Variants in SUGCT observed in about 807,000 individuals in gnomAD.
The protein encoded by SUGCT is succinyl-CoA:glutarate-CoA transferase.
A neutral mutation model predicts 55.0 loss-of-function variants in SUGCT; 41 were observed. That is an observed-to-expected ratio of 0.74 (90% confidence interval 0.58 to 0.97). The LOEUF (loss-of-function observed/expected upper bound fraction) is 0.97. Ranked by LOEUF, SUGCT falls within the 50% of genes least tolerant of loss-of-function variation. The pLI is 0.00. For missense variants in SUGCT, 568 were observed against 547.8 expected, an observed-to-expected ratio of 1.04 and a Z score of -0.37; for synonymous variants, 187 against 200.4, an observed-to-expected ratio of 0.93 and a Z score of 0.56.
intron 6 of SUGCT, among the ~76,000 whole-genome samples, chr7:40,214,242 A>G (rs994315899): frequency 2.6e-5 from 4 of 152,286 alleles, no homozygotes; most frequent in African/African-American, 7.2e-5. Context: ...GTCACTGAGA[A>G]TTCAACAATG....
chr7:40,309,021 T>C (rs1196606296), intron 8 of SUGCT, among the ~76,000 whole-genome samples: 1 of 151,954 alleles, frequency 6.6e-6, no homozygotes, highest in East Asian at 1.9e-4. Flanking sequence ...AAAAGGAAAA[T>C]TTCTCCTAGA....
intron 9 of SUGCT, among the ~76,000 whole-genome samples, chr7:40,437,465 C>T (rs561758885): frequency 2.6e-5 from 4 of 152,296 alleles, no homozygotes; most frequent in African/African-American, 7.2e-5. Context: ...GAGCTCTCAA[C>T]ATGGTTTGTT....
chr7:40,879,669 A>G, the SUGCT span, among the ~76,000 whole-genome samples: 5 of 152,136 alleles, frequency 3.3e-5, no homozygotes, highest in African/African-American at 1.2e-4. Context: ...TCCATATTAC[A>G]TTTACCTGTT....
intron 13 of SUGCT, among the ~76,000 whole-genome samples, chr7:40,759,863 G>A (rs922028155): frequency 6.6e-6 from 1 of 150,724 alleles, no homozygotes; most frequent in Non-Finnish European, 1.5e-5. Context: ...TTTTAACAAA[G>A]TCTGTAATTG....
the SUGCT span, among the ~76,000 whole-genome samples, chr7:40,901,880 G>A: frequency 6.6e-6 from 1 of 152,144 alleles, no homozygotes; most frequent in African/African-American, 2.4e-5. Flanking sequence ...GACATAAGAG[G>A]GATTCACTGG....
intron 13 of SUGCT, among the ~76,000 whole-genome samples, chr7:40,752,704 C>T (rs919091076): frequency 6.6e-6 from 1 of 152,116 alleles, no homozygotes; most frequent in Non-Finnish European, 1.5e-5. Flanking sequence ...ATACATGTGA[C>T]CCTTTCTGAG....
Position 40,166,960 on chromosome 7 carries a change from A to G in SUGCT, c.101-13987A>G, listed in dbSNP as rs6970173. On this transcript the variant is annotated intron_variant, in intron 1 of 13. Transcript: ENST00000335693. ...ATATGGAACTCTTATACAGTGTGGT[A>G]TAAGCATTTTAGAAATCTGTTTAGA... Among the ~76,000 whole-genome samples, 962 of 152,270 alleles carry G rather than the reference A, an allele frequency of 6.3e-3. 6 individuals are homozygous for G. Among genetic ancestry groups the G allele is most frequent in the African/African-American group, 0.022 (917 of 41,554 alleles).
intron 1 of SUGCT, among the ~76,000 whole-genome samples, chr7:40,166,225 C>T (rs1784418352): frequency 1.3e-5 from 2 of 152,184 alleles, no homozygotes; most frequent in African/African-American, 2.4e-5. Context: ...CTTGCAAACT[C>T]CATGAGACAG....
At chr7:41,029,819 T>C in the SUGCT span, among the ~76,000 whole-genome samples, 1 of 152,238 alleles carries the variant, frequency 6.6e-6, no homozygotes, top group Non-Finnish European at 1.5e-5. Context: ...TCTATGAGTT[T>C]TGGCAAATAC....
chr7:40,170,029 T>C (rs1013424699), intron 1 of SUGCT, among the ~76,000 whole-genome samples: 2 of 152,200 alleles, frequency 1.3e-5, no homozygotes, highest in African/African-American at 2.4e-5. Flanking sequence ...GTGGACATCA[T>C]TGAATAATTT....
At chr7:41,001,474 G>A in the SUGCT span, among the ~76,000 whole-genome samples, 1 of 152,136 alleles carries the variant, frequency 6.6e-6, no homozygotes, top group African/African-American at 2.4e-5. Flanking sequence ...AGAATGGGAT[G>A]TTAACTGGAG....
intron 9 of SUGCT, among the ~76,000 whole-genome samples, chr7:40,346,165 C>A (rs1310229802): frequency 6.6e-6 from 1 of 151,812 alleles, no homozygotes. Context: ...CTGTATAGGC[C>A]TAGTGGGTTT....
chr7:40,684,894 G>T (rs1352724734), intron 12 of SUGCT, among the ~76,000 whole-genome samples: 1 of 152,144 alleles, frequency 6.6e-6, no homozygotes. Flanking sequence ...GCAGTGGTGT[G>T]ATCTTGGCTC....
intron 9 of SUGCT, among the ~76,000 whole-genome samples, chr7:40,445,748 A>G (rs1056261666): frequency 6.6e-6 from 1 of 152,230 alleles, no homozygotes; most frequent in Non-Finnish European, 1.5e-5. Context: ...AAAATCCTCA[A>G]TAACATATTA....
chr7:40,142,539 C>T (rs1465722128), intron 1 of SUGCT, among the ~76,000 whole-genome samples: 1 of 152,166 alleles, frequency 6.6e-6, no homozygotes, highest in Non-Finnish European at 1.5e-5. Context: ...GACACAGCAC[C>T]TGACAAGAGT....
At chr7:40,152,436 C>T (rs901727965) in intron 1 of SUGCT, 2 of 169,366 alleles carry the variant, frequency 1.2e-5, no homozygotes, top group African/African-American at 4.8e-5. Context: ...ACTATTGGAG[C>T]CAGCTTTGAG....
intron 13 of SUGCT, among the ~76,000 whole-genome samples, chr7:40,817,542 C>T (rs891318343): frequency 2.6e-5 from 4 of 152,098 alleles, no homozygotes; most frequent in Non-Finnish European, 4.4e-5. Flanking sequence ...GAATACAAGA[C>T]AAAGAGCTAT....
chr7:40,294,034 G>A (rs1235073776), intron 8 of SUGCT, among the ~76,000 whole-genome samples: 1 of 151,854 alleles, frequency 6.6e-6, no homozygotes, highest in Non-Finnish European at 1.5e-5. Context: ...TGCAACCTCC[G>A]CCTCCCAGAT....
chr7:40,660,118 C>A (rs963697498), intron 12 of SUGCT, among the ~76,000 whole-genome samples: 1 of 152,118 alleles, frequency 6.6e-6, no homozygotes, highest in Admixed American at 6.6e-5. Flanking sequence ...AGGTTTCTCA[C>A]GTAAAGTTTT....
Sources: allele counts gnomAD v4.1 joint callset (sites outside exome capture counted in the v4.1 genomes callset), GRCh38; gene constraint gnomAD v4.1.1; transcripts MANE v1.5; gene names NCBI Gene and HGNC (gene_info 2026-07-23, HGNC 2026-07-21).